Variants in TMEM132D observed in about 807,000 individuals in gnomAD.
TMEM132D encodes the protein mature OL transmembrane protein.
Under a neutral mutation model 62.3 loss-of-function variants are expected in TMEM132D, and 21 were observed. The observed-to-expected ratio is 0.34, with a 90% CI of 0.24 to 0.49. The LOEUF is 0.49. TMEM132D is among the 20% of genes least tolerant of loss of function. The pLI is 0.99. For missense variants in TMEM132D, 1,346 were observed against 1,402.8 expected (o/e 0.96, Z 0.65); for synonymous variants, 621 against 575.6 (o/e 1.08, Z -1.13).
At chr12:129,494,929 A>G (rs2137062782) in intron 3 of TMEM132D, among the ~76,000 whole-genome samples, 1 of 152,314 alleles carries the variant, frequency 6.6e-6, no homozygotes, top group South Asian at 2.1e-4. Flanking sequence ...CTACAGCAGT[A>G]ATGGCACATG....
chr12:129,198,017 T>C (rs117210680), intron 5 of TMEM132D, among the ~76,000 whole-genome samples: 623 of 152,256 alleles, frequency 4.1e-3, no homozygotes, highest in Middle Eastern at 0.01. Flanking sequence ...AAATAGTCAA[T>C]AGATACATTT....
chr12:129,565,078 C>T (rs142235691), intron 2 of TMEM132D, among the ~76,000 whole-genome samples: 137 of 152,290 alleles, frequency 9.0e-4, no homozygotes, highest in Admixed American at 1.5e-3. Context: ...AATGGGTGAA[C>T]GGGAAATTCC....
intron 2 of TMEM132D, among the ~76,000 whole-genome samples, chr12:129,639,340 G>C (rs1233462290): frequency 7.4e-6 from 1 of 134,904 alleles, no homozygotes; most frequent in Non-Finnish European, 1.5e-5. Flanking sequence ...CTGAGATTGA[G>C]CCACTGCTCT....
chr12:129,430,239 C>T (rs1045509395), intron 3 of TMEM132D, among the ~76,000 whole-genome samples: 4 of 152,216 alleles, frequency 2.6e-5, no homozygotes, highest in Non-Finnish European at 5.9e-5. Flanking sequence ...TCCTCTCCAG[C>T]ACCTGTCGTT....
intron 1 of TMEM132D, among the ~76,000 whole-genome samples, chr12:129,876,578 G>A (rs1478308751): frequency 6.6e-6 from 1 of 152,316 alleles, no homozygotes; most frequent in Middle Eastern, 3.4e-3. Context: ...ATTGGCTCAT[G>A]TAACTGAACA....
At chr12:129,505,431 G>T (rs1875300500) in intron 3 of TMEM132D, among the ~76,000 whole-genome samples, 1 of 152,090 alleles carries the variant, frequency 6.6e-6, no homozygotes, top group African/African-American at 2.4e-5. Context: ...TTTTAGTAGA[G>T]ATGGGGTTTC....
intron 4 of TMEM132D, among the ~76,000 whole-genome samples, chr12:129,264,609 C>A (rs1880638369): frequency 1.3e-5 from 2 of 152,152 alleles, no homozygotes; most frequent in African/African-American, 4.8e-5. Flanking sequence ...GAAAATGATA[C>A]TTGTACATGA....
intron 5 of TMEM132D, among the ~76,000 whole-genome samples, chr12:129,168,135 T>C (rs1877617383): frequency 6.6e-6 from 1 of 152,172 alleles, no homozygotes; most frequent in Admixed American, 6.5e-5. Context: ...TGTTCCCTTT[T>C]GAAAACAGTG....
intron 3 of TMEM132D, among the ~76,000 whole-genome samples, chr12:129,370,946 T>C (rs939336046): frequency 6.6e-6 from 1 of 152,202 alleles, no homozygotes; most frequent in Non-Finnish European, 1.5e-5. Flanking sequence ...AGAAGAACTA[T>C]GTTTTAGTAT....
At chr12:129,657,780 T>C (rs1880129597) in intron 2 of TMEM132D, among the ~76,000 whole-genome samples, 1 of 152,224 alleles carries the variant, frequency 6.6e-6, no homozygotes, top group Admixed American at 6.5e-5. Flanking sequence ...ACTTAGACAC[T>C]GGATGTTTAA....
chr12:129,530,458 G>A (rs1351929361), intron 3 of TMEM132D, among the ~76,000 whole-genome samples: 6 of 152,260 alleles, frequency 3.9e-5, no homozygotes, highest in Non-Finnish European at 5.9e-5. Context: ...CTGAGTTTCC[G>A]AGCCTCCCTT....
chr12:129,449,155 T>C (rs1374049383), intron 3 of TMEM132D, among the ~76,000 whole-genome samples: 2 of 152,356 alleles, frequency 1.3e-5, no homozygotes, highest in African/African-American at 2.4e-5. Flanking sequence ...ACCCTATGCA[T>C]TGGCTTTAGG....
intron 4 of TMEM132D, among the ~76,000 whole-genome samples, chr12:129,265,357 T>C (rs912140903): frequency 2.6e-5 from 4 of 152,160 alleles, no homozygotes; most frequent in Middle Eastern, 3.2e-3. Flanking sequence ...TTGTGGTAGA[T>C]GGGGGAGCCA....
At chr12:129,788,327 G>A (rs566156730) in intron 1 of TMEM132D, among the ~76,000 whole-genome samples, 2 of 152,324 alleles carry the variant, frequency 1.3e-5, no homozygotes, top group East Asian at 3.9e-4. Flanking sequence ...TATCAGATTA[G>A]AAGCTTTGTG....
At chr12:129,106,305 T>C (rs1003220292) in intron 5 of TMEM132D, among the ~76,000 whole-genome samples, 3 of 148,572 alleles carry the variant, frequency 2.0e-5, no homozygotes, top group African/African-American at 7.5e-5. Context: ...TTGGGAGATA[T>C]ACCTAATGCT....
chr12:129,430,943 T>G (rs539640708), intron 3 of TMEM132D, among the ~76,000 whole-genome samples: 3 of 152,254 alleles, frequency 2.0e-5, no homozygotes, highest in Non-Finnish European at 4.4e-5. Context: ...CATCATCCTC[T>G]GTCTGGGCTT....
chr12:129,115,070 C>T (rs770126660), intron 5 of TMEM132D, among the ~76,000 whole-genome samples: 6 of 152,158 alleles, frequency 3.9e-5, no homozygotes, highest in Non-Finnish European at 8.8e-5. Flanking sequence ...AGCTCGTATA[C>T]ATCCTCTTTT....
chr12:129,614,365 G>A (rs557216391), intron 2 of TMEM132D, among the ~76,000 whole-genome samples: 6 of 152,222 alleles, frequency 3.9e-5, no homozygotes, highest in Admixed American at 1.3e-4. Context: ...AGGGACTGAT[G>A]CCCTGCTGCA....
intron 3 of TMEM132D, among the ~76,000 whole-genome samples, chr12:129,475,051 G>A (rs1213228268): frequency 6.6e-6 from 1 of 152,100 alleles, no homozygotes; most frequent in Non-Finnish European, 1.5e-5. Context: ...GAACTTTGAA[G>A]GGGTTAACAG....
Sources: gnomAD v4.1 joint callset for allele counts (sites outside exome capture counted in the v4.1 genomes callset) on GRCh38, gnomAD v4.1.1 for gene constraint, MANE v1.5 for transcripts, NCBI Gene and HGNC (gene_info 2026-07-23, HGNC 2026-07-21) for gene names.